CAPZB: variants seen among roughly 807,000 people sequenced by gnomAD.
CAPZB encodes the protein F-actin-capping protein subunit beta.
Under a neutral mutation model 38.1 loss-of-function variants are expected in CAPZB, and 2 were observed. The observed-to-expected ratio is 0.05, with a 90% CI of 0.02 to 0.17. The LOEUF (loss-of-function observed/expected upper bound fraction) is 0.17, where lower values mean the gene tolerates loss of function less well. Ranked by LOEUF, CAPZB falls within the 10% of genes least tolerant of loss-of-function variation. The pLI is 1.00. For synonymous variants in CAPZB, 107 were observed against 127.4 expected (o/e 0.84, Z 1.08); for missense variants, 161 against 334.2 (o/e 0.48, Z 4.04).
At chr1:19,435,703 A>T (rs2094456074) in intron 1 of CAPZB, among the ~76,000 whole-genome samples, 1 of 152,160 alleles carries the variant, frequency 6.6e-6, no homozygotes, top group Admixed American at 6.5e-5. Flanking sequence ...AGGTACGGAG[A>T]GAGTGGTGAG....
intron 2 of CAPZB, among the ~76,000 whole-genome samples, chr1:19,404,708 G>A (rs2094322305): frequency 6.6e-6 from 1 of 152,120 alleles, no homozygotes; most frequent in Non-Finnish European, 1.5e-5. Context: ...GGAAACGCAG[G>A]CTGCTTTTGA....
At chr1:19,417,192 C>T (rs548276447) in intron 2 of CAPZB, among the ~76,000 whole-genome samples, 2 of 152,134 alleles carry the variant, frequency 1.3e-5, no homozygotes, top group South Asian at 2.1e-4. Context: ...GAGGGAGTCC[C>T]GGAGAAAAGA....
intron 1 of CAPZB, among the ~76,000 whole-genome samples, chr1:19,471,861 G>A (rs532282309): frequency 3.4e-4 from 25 of 73,226 alleles, no homozygotes; most frequent in East Asian, 4.3e-4. Flanking sequence ...GCGAGACTCC[G>A]TCTCAAAAAA....
chr1:19,357,462 ATCT>A lies in CAPZB; in HGVS notation c.428_430del (p.Lys143del), dbSNP rs746575460. The stretch of plus-strand genomic sequence containing the variant: ...GTGGATGGAATCCCAGCAGCCTTTG[ATCT>A]TCTTTGATCCATCTCCAGCCTTCTT... On this transcript the variant is annotated inframe_deletion, in exon 5 of 9. Coordinates refer to ENST00000264202, the MANE Select transcript of CAPZB (RefSeq NM_004930.5). The surrounding 1 kb of genome is among the most constrained non-coding windows in gnomAD (Gnocchi z 4.3). 6.2e-7 allele frequency: 1 copy of A among 1,613,774 alleles called. No individual in the cohort carries two copies. The highest frequency in any genetic ancestry group is 8.5e-7 in the Non-Finnish European group (1 of 1,179,994).
intron 1 of CAPZB, among the ~76,000 whole-genome samples, chr1:19,450,725 C>T (rs1411155590): frequency 3.3e-5 from 5 of 152,182 alleles, no homozygotes; most frequent in Admixed American, 2.0e-4. Flanking sequence ...GAAAAACTAT[C>T]CTTTCACACT....
intron 2 of CAPZB, among the ~76,000 whole-genome samples, chr1:19,418,136 CAAAAAAAAA>C (rs59390448): frequency 1.4e-4 from 5 of 35,328 alleles, no homozygotes; most frequent in African/African-American, 4.1e-4. Context: ...ACTCTGTCAC[CAAAAAAAAA>C]AAAAAAAAAA....
chr1:19,358,369 C>T (rs998344726), intron 4 of CAPZB, among the ~76,000 whole-genome samples: 2 of 152,190 alleles, frequency 1.3e-5, no homozygotes, highest in Non-Finnish European at 1.5e-5. Flanking sequence ...AAACCCTGAC[C>T]TCAAGTGATC....
At chr1:19,349,387 C>T (rs2100273150) in intron 6 of CAPZB, among the ~76,000 whole-genome samples, 1 of 152,174 alleles carries the variant, frequency 6.6e-6, no homozygotes, top group Non-Finnish European at 1.5e-5. Flanking sequence ...TCTCCTCCTC[C>T]CCGGCTCCAT....
intron 2 of CAPZB, among the ~76,000 whole-genome samples, chr1:19,398,919 G>GCGAT (rs1205151035): frequency 6.6e-6 from 1 of 150,778 alleles, no homozygotes; most frequent in African/African-American, 2.4e-5. Flanking sequence ...GTGCAATGGA[G>GCGAT]CGATCTCGAG....
intron 3 of CAPZB, among the ~76,000 whole-genome samples, chr1:19,380,356 T>G (rs1311089715): frequency 6.6e-6 from 1 of 152,212 alleles, no homozygotes; most frequent in Non-Finnish European, 1.5e-5. Context: ...GTAGAGACTT[T>G]GCAAGAATGG....
intron 1 of CAPZB, among the ~76,000 whole-genome samples, chr1:19,438,064 T>C (rs1170642640): frequency 5.3e-5 from 8 of 152,150 alleles, no homozygotes; most frequent in African/African-American, 1.9e-4. Context: ...CCAAGTATTG[T>C]TCTTACCTCC....
At chr1:19,400,808 T>A (rs891833622) in intron 2 of CAPZB, among the ~76,000 whole-genome samples, 2 of 152,182 alleles carry the variant, frequency 1.3e-5, no homozygotes, top group South Asian at 4.1e-4. Context: ...CGGGCCTATA[T>A]GCACTTCACT....
At chr1:19,470,360 G>A (rs2094582952) in intron 1 of CAPZB, among the ~76,000 whole-genome samples, 1 of 152,170 alleles carries the variant, frequency 6.6e-6, no homozygotes, top group African/African-American at 2.4e-5. Flanking sequence ...CAGATCAAAG[G>A]GACCTGGGCT....
intron 1 of CAPZB, among the ~76,000 whole-genome samples, chr1:19,478,310 T>C (rs2094614161): frequency 6.6e-6 from 1 of 152,192 alleles, no homozygotes; most frequent in African/African-American, 2.4e-5. Flanking sequence ...CATCCATCCA[T>C]GTTAACAGAA....
intron 1 of CAPZB, among the ~76,000 whole-genome samples, chr1:19,467,235 A>C (rs1369214139): frequency 6.6e-6 from 1 of 152,202 alleles, no homozygotes; most frequent in East Asian, 1.9e-4. Context: ...AATAAATAAT[A>C]ATAAAAGTAG....
chr1:19,381,784 C>A (rs1235425855), intron 3 of CAPZB, among the ~76,000 whole-genome samples: 1 of 147,908 alleles, frequency 6.8e-6, no homozygotes, highest in Non-Finnish European at 1.5e-5. Context: ...CCTGTGTCTC[C>A]TGGGTTCAAG....
At chr1:19,479,604 C>T (rs1002255647) in intron 1 of CAPZB, among the ~76,000 whole-genome samples, 2 of 152,196 alleles carry the variant, frequency 1.3e-5, no homozygotes, top group African/African-American at 4.8e-5. Context: ...CTTCCACCAT[C>T]CCTTCCTTTC....
chr1:19,417,466 G>A (rs1036370156), intron 2 of CAPZB, among the ~76,000 whole-genome samples: 1 of 152,108 alleles, frequency 6.6e-6, no homozygotes, highest in African/African-American at 2.4e-5. Flanking sequence ...CCTCTTCCAC[G>A]TAGGATCAAT....
At position 19,404,543 on chromosome 1, in the gene CAPZB, T is replaced by TAAAAAAAA. The variant is rs11356951; in HGVS notation, c.93+15110_93+15117dup. ...TGGGTGACAGAGCAAAACTCCATGT[T>TAAAAAAAA]AAAAAAAAAAAAAAAAAAAAAGAGG... is the stretch of plus-strand genomic sequence containing the variant. On this transcript the variant is annotated intron_variant, in intron 2 of 8. Coordinates refer to ENST00000264202, the MANE Select transcript of CAPZB (RefSeq NM_004930.5). 2.3e-5 allele frequency among the ~76,000 whole-genome samples: 3 copies of TAAAAAAAA among 128,070 alleles called. No homozygotes were observed. The East Asian group carries it at 7.0e-4, about 30-fold the overall frequency. 84.0% of individuals were successfully genotyped at this position (128,070 alleles called of 152,430 possible).
Sources: gnomAD v4.1 joint callset for allele counts (sites outside exome capture counted in the v4.1 genomes callset) on GRCh38, gnomAD v4.1.1 for gene constraint, Gnocchi (gnomAD v3.1) non-coding constraint, MANE v1.5 for transcripts, NCBI Gene and HGNC (gene_info 2026-07-23, HGNC 2026-07-21) for gene names.